The following CAMK1D variants were observed in gnomAD, a reference collection of about 807,000 sequenced individuals.
The protein encoded by CAMK1D is calcium/calmodulin dependent protein kinase ID.
In CAMK1D, 9 loss-of-function variants were observed where a neutral mutation model predicts 47.7. That is an observed-to-expected ratio of 0.19 (90% CI 0.11 to 0.33). CAMK1D has a LOEUF of 0.33. CAMK1D is among the 10% of genes least tolerant of loss of function. The pLI is 1.00. For synonymous variants in CAMK1D, 184 were observed against 184.9 expected (o/e 0.99, Z 0.04); for missense variants, 291 against 488.7 (o/e 0.60, Z 3.81).
At chr10:12,786,566 T>C (rs952153178) in intron 5 of CAMK1D, among the ~76,000 whole-genome samples, 8 of 152,224 alleles carry the variant, frequency 5.3e-5, no homozygotes, top group Non-Finnish European at 7.3e-5. Flanking sequence ...TTTGTTTGTT[T>C]ATTTATTTTA....
chr10:12,825,724 GACACT>G, intron 10 of CAMK1D, 34 bp downstream of exon 10: 3 of 1,613,618 alleles, frequency 1.9e-6, no homozygotes, highest in Non-Finnish European at 2.5e-6. Flanking sequence ...TCCCTCAGCT[GACACT>G]GAAGACGAGC....
At chr10:12,759,429 A>G (rs1053132497) in intron 3 of CAMK1D, among the ~76,000 whole-genome samples, 1 of 152,220 alleles carries the variant, frequency 6.6e-6, no homozygotes, top group Non-Finnish European at 1.5e-5. Context: ...CTCTTCTGGT[A>G]CATTCTCGAG....
intron 2 of CAMK1D, among the ~76,000 whole-genome samples, chr10:12,570,299 A>G (rs1182790770): frequency 6.6e-6 from 1 of 152,190 alleles, no homozygotes; most frequent in African/African-American, 2.4e-5. Flanking sequence ...AAACCTGTGT[A>G]AGAAAGTCAC....
At chr10:12,503,274 G>A (rs2132145419) in intron 1 of CAMK1D, among the ~76,000 whole-genome samples, 1 of 152,298 alleles carries the variant, frequency 6.6e-6, no homozygotes, top group East Asian at 1.9e-4. Context: ...TTTGGGAGGA[G>A]CATTTGCTCC....
intron 2 of CAMK1D, 150 bp downstream of exon 2, chr10:12,553,506 T>C: frequency 1.6e-6 from 1 of 627,156 alleles, no homozygotes; most frequent in Non-Finnish European, 2.8e-6. Context: ...TTCAAAGCAC[T>C]TTTCCCATAG....
chr10:12,656,153 C>T (rs990250955), intron 2 of CAMK1D, among the ~76,000 whole-genome samples: 3 of 152,142 alleles, frequency 2.0e-5, no homozygotes, highest in African/African-American at 2.4e-5. Flanking sequence ...AGAACCAGCT[C>T]GTTGATGCCC....
At chr10:12,774,455 G>A (rs1021869626) in intron 5 of CAMK1D, among the ~76,000 whole-genome samples, 2 of 152,138 alleles carry the variant, frequency 1.3e-5, no homozygotes, top group African/African-American at 4.8e-5. Flanking sequence ...GGAAGGAGAG[G>A]AATAGGAGAG....
chr10:12,494,556 G>A (rs544018007), intron 1 of CAMK1D, among the ~76,000 whole-genome samples: 1 of 152,100 alleles, frequency 6.6e-6, no homozygotes, highest in South Asian at 2.1e-4. Flanking sequence ...CTTTTGCCTT[G>A]AATTTTCTTT....
chr10:12,685,362 C>T (rs2132622681), intron 3 of CAMK1D, among the ~76,000 whole-genome samples: 2 of 152,252 alleles, frequency 1.3e-5, no homozygotes, highest in East Asian at 3.9e-4. Context: ...CCTTTAGTGA[C>T]CTTTAGTTGT....
chr10:12,694,241 T>TGATATATATTATACATAATATAA (rs1266022386), intron 3 of CAMK1D, among the ~76,000 whole-genome samples: 1 of 17,208 alleles, frequency 5.8e-5, no homozygotes, highest in African/African-American at 2.5e-4. Flanking sequence ...GTATAATATA[T>TGATATATATTATACATAATATAA]AATATATATT....
At chr10:12,521,094 A>G (rs932408424) in intron 1 of CAMK1D, among the ~76,000 whole-genome samples, 22 of 151,970 alleles carry the variant, frequency 1.4e-4, no homozygotes, top group South Asian at 4.1e-4. Flanking sequence ...GATTTGCTTT[A>G]TTGTTTTTCT....
intron 1 of CAMK1D, among the ~76,000 whole-genome samples, chr10:12,427,236 G>T (rs1840265119): frequency 6.6e-6 from 1 of 152,182 alleles, no homozygotes. Flanking sequence ...TGGAGGGACT[G>T]ATTCCAGAGG....
chr10:12,617,002 G>A (rs1186124225), intron 2 of CAMK1D, among the ~76,000 whole-genome samples: 2 of 152,134 alleles, frequency 1.3e-5, no homozygotes, highest in African/African-American at 4.8e-5. Flanking sequence ...CTTGGGGATC[G>A]CCTTTTTAAT....
At chr10:12,438,571 TG>T (rs1832698192) in intron 1 of CAMK1D, among the ~76,000 whole-genome samples, 2 of 152,224 alleles carry the variant, frequency 1.3e-5, no homozygotes, top group Admixed American at 1.3e-4. Flanking sequence ...TTGTCTTTAC[TG>T]GGGCCATTTT....
intron 1 of CAMK1D, among the ~76,000 whole-genome samples, chr10:12,359,892 C>A (rs1233593065): frequency 2.0e-5 from 3 of 152,106 alleles, no homozygotes; most frequent in Non-Finnish European, 2.9e-5. Flanking sequence ...ATTTAAAATA[C>A]CCTTTTGGGG....
At chr10:12,565,780 T>C (rs567893205) in intron 2 of CAMK1D, among the ~76,000 whole-genome samples, 3 of 152,212 alleles carry the variant, frequency 2.0e-5, no homozygotes, top group East Asian at 1.9e-4. Flanking sequence ...ACTGGTAATA[T>C]GTGGAGAGGA....
rs75585449 is a variant in CAMK1D, at chr10:12,591,178, A to G, written c.224+37822A>G. On this transcript the variant is annotated intron_variant, in intron 2 of 10. Transcript: ENST00000619168. ...GTCAGGGACAGAGATTGATTATTCT[A>G]GTGGGCAATGGCCAGATCTTATATA... Among the ~76,000 whole-genome samples the G allele has an allele frequency of 5.7e-3, 873 of 152,282 alleles. 7 individuals carry two copies. Among genetic ancestry groups the G allele is most frequent in the African/African-American group, 0.02 (821 of 41,536 alleles).
intron 2 of CAMK1D, among the ~76,000 whole-genome samples, chr10:12,595,185 T>C (rs1200306387): frequency 6.6e-6 from 1 of 150,922 alleles, no homozygotes; most frequent in East Asian, 1.9e-4. Context: ...CTACTAAAAA[T>C]ACAAAAATTA....
chr10:12,383,270 TTTG>T (rs1265835786), intron 1 of CAMK1D, among the ~76,000 whole-genome samples: 14 of 152,188 alleles, frequency 9.2e-5, no homozygotes, highest in Non-Finnish European at 2.9e-5. Flanking sequence ...AATTTTTTTT[TTTG>T]TTGTTGTTAC....
Sources: allele counts gnomAD v4.1 joint callset (sites outside exome capture counted in the v4.1 genomes callset), GRCh38; gene constraint gnomAD v4.1.1; transcripts MANE v1.5; gene names NCBI Gene and HGNC (gene_info 2026-07-23, HGNC 2026-07-21).